Variants in MPP2 observed in about 807,000 individuals in gnomAD.
MPP2 encodes the protein MAGUK p55 scaffold protein 2, also known as MAGUK p55 subfamily member 2.
Under a neutral mutation model 58.5 loss-of-function variants are expected in MPP2, and 42 were observed. The observed-to-expected ratio is 0.72, with a 90% CI of 0.56 to 0.93. MPP2 has a LOEUF of 0.93. Ranked by LOEUF, MPP2 falls within the 40% of genes least tolerant of loss-of-function variation. MPP2 has a pLI of 0.00. For synonymous variants in MPP2, 300 were observed against 307.8 expected (o/e 0.97, Z 0.26); for missense variants, 632 against 760.4 (o/e 0.83, Z 1.99).
At chr17:43,884,638 T>C (rs937921569) in intron 3 of MPP2, among the ~76,000 whole-genome samples, 1 of 152,238 alleles carries the variant, frequency 6.6e-6, no homozygotes, top group African/African-American at 2.4e-5. Context: ...ACGTAGGTGA[T>C]CTTGTGTCTT....
In MPP2 at chr17:43,907,530, G is replaced by A. The variant is rs190514312; in HGVS notation, c.-90C>T. 7.7e-3 allele frequency: 7,546 copies of A among 985,528 alleles called. 45 individuals are homozygous for A. The highest frequency in any genetic ancestry group is 0.02 in the Middle Eastern group (38 of 1,914). 61.0% of individuals were successfully genotyped at this position (985,528 alleles called of 1,614,324 possible). ...GCTCCAGCGCAGCCGGGCGCTCAGCGTTTATTGCTTGTCAATCGCTAGCCC... is the reference window on the plus strand; with the variant it reads ...GCTCCAGCGCAGCCGGGCGCTCAGCATTTATTGCTTGTCAATCGCTAGCCC... On this transcript the variant is annotated 5_prime_UTR_variant, in exon 1 of 13. In the 5' UTR this introduces an upstream ATG that the reference lacks. Coordinates refer to ENST00000269095, the MANE Select transcript of MPP2 (RefSeq NM_005374.5).
At chr17:43,894,616 GAAA>G (rs36073194) in intron 3 of MPP2, among the ~76,000 whole-genome samples, 1 of 66,088 alleles carries the variant, frequency 1.5e-5, no homozygotes, top group South Asian at 8.3e-4. Context: ...GACTCCAGAG[GAAA>G]AAAAAAAAAA....
chr17:43,883,139 A>G, intron 4 of MPP2, 64 bp downstream of exon 4: 1 of 1,556,872 alleles, frequency 6.4e-7, no homozygotes, highest in Non-Finnish European at 8.7e-7. Flanking sequence ...TGGCCCATCC[A>G]ACAGCAGCAT....
intron 3 of MPP2, among the ~76,000 whole-genome samples, chr17:43,884,451 T>C (rs1026962796): frequency 3.9e-5 from 6 of 152,206 alleles, no homozygotes; most frequent in African/African-American, 1.4e-4. Context: ...AACTCTTGGC[T>C]TCAAGTGATC....
At position 43,879,437 on chromosome 17, in the gene MPP2, C is replaced by A. The variant is rs375881722; in HGVS notation, c.1354-34G>T. 6.5e-5 allele frequency: 105 copies of A among 1,610,998 alleles called. No homozygotes were observed. The highest frequency in any genetic ancestry group is 6.5e-5 in the Non-Finnish European group (77 of 1,177,950). On this transcript the variant is annotated intron_variant, in intron 11 of 12. Coordinates refer to ENST00000269095, the MANE Select transcript of MPP2 (RefSeq NM_005374.5). This position sits in a 1 kb window ranked among gnomAD's most constrained non-coding sequence, Gnocchi z 4.1. ...GGAGAAGGCAAGGTAGGGAGTATAT[C>A]CCCATGTCTGTCCTAGGAACCAGAG...
chr17:43,905,059 C>T, intron 1 of MPP2, among the ~76,000 whole-genome samples: 1 of 140,224 alleles, frequency 7.1e-6, no homozygotes, highest in Middle Eastern at 3.3e-3. Flanking sequence ...TGCCTATGAT[C>T]CCAGCTACTT....
chr17:43,907,909 C>G (rs2048356063), upstream of MPP2: 1 of 985,384 alleles, frequency 1.0e-6, no homozygotes, highest in South Asian at 4.7e-5. Flanking sequence ...CCTCACTTTT[C>G]CTCGTTATCC....
chr17:43,906,165 G>A (rs2143809786), intron 1 of MPP2: 1 of 979,530 alleles, frequency 1.0e-6, no homozygotes, highest in Non-Finnish European at 1.2e-6. Flanking sequence ...GAGCGTGGAG[G>A]GCGGGAAAAG....
Position 43,882,959 on chromosome 17 carries a change from C to G in MPP2, c.397G>C (p.Val133Leu), listed in dbSNP as rs749132741. The G allele has an allele frequency of 1.9e-6, 3 of 1,614,040 alleles. No homozygotes were observed. The highest frequency in any genetic ancestry group is 2.2e-5 in the South Asian group (2 of 91,084). ...GLDPTFSNQP[V>L]PPDAVRMVGI... ...ACCATGCGCACAGCATCGGGAGGTA[C>G]AGGCTGGTTGCTGAATGTAGGGTCC... The change falls in exon 5 of 13, where the codon GTA becomes CTA. Residue 133 changes from valine to leucine, a missense_variant. Physicochemically the swap from Val to Leu is conservative, Grantham distance 32 (BLOSUM62 1). Coordinates refer to ENST00000269095, the MANE Select transcript of MPP2 (RefSeq NM_005374.5).
In MPP2 at chr17:43,880,792, CGGCGGAACGGG is replaced by C; in HGVS notation, c.1038_1048del (p.Pro347GlufsTer60). The C allele has an allele frequency of 1.2e-6, 2 of 1,613,692 alleles. No individual in the cohort carries two copies. The highest frequency in any genetic ancestry group is 1.7e-6 in the Non-Finnish European group (2 of 1,179,714). ...AGCCCCAATCAGTACCAGGGTTTTC[CGGCGGAACGGG>C]GGCATGCGGGCCACCTCCTCATAAA... On this transcript the variant is annotated frameshift_variant, in exon 10 of 13. Transcript: ENST00000269095. LOFTEE classifies it high-confidence loss of function. This position sits in a 1 kb window ranked among gnomAD's most constrained non-coding sequence, Gnocchi z 5.2.
At chr17:43,899,246 CA>C (rs55886623) in intron 2 of MPP2, among the ~76,000 whole-genome samples, 21 of 149,484 alleles carry the variant, frequency 1.4e-4, no homozygotes, top group South Asian at 2.1e-4. Context: ...GACTCCGTCT[CA>C]AAAAAAAAAA....
In MPP2 at chr17:43,900,665, AG is replaced by A. The variant is rs2048058488; in HGVS notation, c.32-2286del. 8.4e-6 allele frequency: 12 copies of A among 1,420,128 alleles called. No homozygotes were observed. The South Asian group carries it at 1.6e-4, about 18-fold the overall frequency. The allele number at this position is 1,420,128 out of a possible 1,614,324, so 88.0% of individuals were successfully genotyped here. On this transcript the variant is annotated intron_variant, in intron 2 of 12. Transcript: ENST00000269095. ...GGCGGGAGTCGAGGAGCGCCCTCTG[AG>A]GAACCAGCCAATGGGAAGGCTCAGC...
At chr17:43,896,099 T>C (rs942492131) in intron 3 of MPP2, among the ~76,000 whole-genome samples, 2 of 152,148 alleles carry the variant, frequency 1.3e-5, no homozygotes, top group Non-Finnish European at 2.9e-5. Flanking sequence ...AGCCAGCCTG[T>C]GACAGAGTCC....
chr17:43,889,051 G>A (rs117069161), intron 3 of MPP2, among the ~76,000 whole-genome samples: 3,929 of 151,350 alleles, frequency 0.026, 79 homozygotes, highest in Non-Finnish European at 0.044. Flanking sequence ...TCAACCTCCC[G>A]AACAGCTGGG....
At position 43,882,952 on chromosome 17, in the gene MPP2, G is replaced by T. The variant is rs775478522; in HGVS notation, c.404C>A (p.Pro135His). ...GATGCCCACCATGCGCACAGCATCG[G>T]GAGGTACAGGCTGGTTGCTGAATGT... ...DPTFSNQPVP[P>H]DAVRMVGIRK... Residue 135 changes from proline (P) to histidine (H), a missense_variant, in exon 5 of 13, where the codon CCC (proline) becomes CAC (histidine). By Grantham distance (77) the Pro-to-His change is moderately conservative. Coordinates refer to ENST00000269095, the MANE Select transcript of MPP2 (RefSeq NM_005374.5). 5.0e-6 allele frequency: 8 copies of T among 1,614,036 alleles called. No individual in the cohort carries two copies. In the East Asian group the frequency reaches 1.6e-4, roughly 31 times the overall value.
At chr17:43,907,974 A>G, upstream of MPP2, 1 of 985,436 alleles carries the variant, frequency 1.0e-6, no homozygotes, top group Non-Finnish European at 1.2e-6. Flanking sequence ...CCCAGGAAGC[A>G]GGATACCAGC....
intron 2 of MPP2, chr17:43,900,757 A>C (rs954838898): frequency 1.9e-6 from 1 of 518,214 alleles, no homozygotes; most frequent in African/African-American, 2.1e-5. Flanking sequence ...AGCAGGCGGT[A>C]ACCCGGGTGG....
At chr17:43,900,556 G>A (rs542911291) in intron 2 of MPP2, 11 of 1,544,588 alleles carry the variant, frequency 7.1e-6, no homozygotes, top group East Asian at 4.9e-5. Context: ...CTGCCATGGC[G>A]GCCCCCAGAC....
intron 6 of MPP2, 147 bp downstream of exon 6, chr17:43,882,137 T>C: frequency 1.4e-6 from 1 of 724,534 alleles, no homozygotes; most frequent in South Asian, 1.8e-5. Context: ...TGTCGGCGGC[T>C]GCGGTCAGCT....
Sources: gnomAD v4.1 joint callset for allele counts (sites outside exome capture counted in the v4.1 genomes callset) on GRCh38, gnomAD v4.1.1 for gene constraint, Gnocchi (gnomAD v3.1) non-coding constraint, MANE v1.5 for transcripts, NCBI Gene and HGNC (gene_info 2026-07-23, HGNC 2026-07-21) for gene names.